The following CKAP5 variants were observed in gnomAD, a reference collection of about 807,000 sequenced individuals.
CKAP5 encodes cytoskeleton-associated protein 5.
In CKAP5, 27 loss-of-function variants were observed where a neutral mutation model predicts 232.8. That is an observed-to-expected ratio of 0.12 (90% CI 0.09 to 0.16). The LOEUF is 0.16. Ranked by LOEUF, CKAP5 falls within the 10% of genes least tolerant of loss-of-function variation. CKAP5 has a pLI of 1.00. For synonymous variants in CKAP5, 785 were observed against 841.1 expected (o/e 0.93, Z 1.16); for missense variants, 1,838 against 2,424.7 (o/e 0.76, Z 5.08).
intron 12 of CKAP5, 120 bp downstream of exon 12, chr11:46,796,691 TA>T (rs968243670): frequency 2.4e-5 from 27 of 1,125,860 alleles, no homozygotes; most frequent in African/African-American, 4.8e-5. Context: ...AATGGCAATT[TA>T]AAAAAAATCA....
chr11:46,845,256 G>C (rs1275054278), intron 1 of CKAP5, among the ~76,000 whole-genome samples: 1 of 152,162 alleles, frequency 6.6e-6, no homozygotes, highest in Non-Finnish European at 1.5e-5. Flanking sequence ...CATAAGACAG[G>C]CAGCATTTCT....
intron 36 of CKAP5, 75 bp from the exon 37 acceptor site, chr11:46,753,572 G>A: frequency 9.3e-7 from 1 of 1,074,970 alleles, no homozygotes; most frequent in Non-Finnish European, 1.3e-6. Context: ...GGCATATTCT[G>A]ATAAATATTC....
At chr11:46,803,905 C>T (rs1284212538) in intron 8 of CKAP5, among the ~76,000 whole-genome samples, 1 of 152,098 alleles carries the variant, frequency 6.6e-6, no homozygotes, top group Admixed American at 6.6e-5. Flanking sequence ...GATTTAGATG[C>T]TAGGCTTTAT....
chr11:46,785,538 C>T (rs747774838), intron 16 of CKAP5, among the ~76,000 whole-genome samples: 10 of 152,142 alleles, frequency 6.6e-5, no homozygotes, highest in Non-Finnish European at 1.5e-4. Context: ...CCATGTTGGC[C>T]GGGCTGGTCT....
intron 1 of CKAP5, among the ~76,000 whole-genome samples, chr11:46,843,766 TGTAA>T (rs1940115500): frequency 6.7e-6 from 1 of 149,632 alleles, no homozygotes; most frequent in African/African-American, 2.5e-5. Context: ...AACACAAAGA[TGTAA>T]GTGTTGACAG....
intron 8 of CKAP5, among the ~76,000 whole-genome samples, chr11:46,802,487 T>G (rs1939051499): frequency 6.6e-6 from 1 of 151,602 alleles, no homozygotes; most frequent in Non-Finnish European, 1.5e-5. Context: ...GAGGTTGCAG[T>G]GAGTGCAGAT....
At chr11:46,757,883 G>C (rs2065122902) in intron 35 of CKAP5, among the ~76,000 whole-genome samples, 2 of 143,942 alleles carry the variant, frequency 1.4e-5, no homozygotes, top group Admixed American at 7.2e-5. Context: ...ACCACACCTG[G>C]CCTATTTTTT....
chr11:46,763,313 A>G, intron 29 of CKAP5, 134 bp from the exon 30 acceptor site: 2 of 988,630 alleles, frequency 2.0e-6, no homozygotes, highest in Non-Finnish European at 3.0e-6. Context: ...ATTAAGACCT[A>G]AAAAATATAC....
chr11:46,776,300 A>G lies in CKAP5; in HGVS notation c.2946T>C (p.Asp982=). The G allele has an allele frequency of 6.2e-7, 1 of 1,613,986 alleles. No homozygotes were observed. The highest frequency in any genetic ancestry group is 8.5e-7 in the Non-Finnish European group (1 of 1,179,900). ...TGMKEWLEGE[D]LSEELKKENP... is the part of the protein sequence containing the mutation. ...TTTCCTTTTTGAGCTCTTCAGAAAG[A>G]TCTTCTCCTTCCAGCCATTCCTTCA... is the stretch of plus-strand genomic sequence containing the variant. Residue 982 remains aspartate, a synonymous_variant, in exon 24 of 44, where the codon GAT becomes GAC. Coordinates refer to ENST00000529230, the MANE Select transcript of CKAP5 (RefSeq NM_001008938.4).
chr11:46,814,273 T>C (rs1176906130), intron 4 of CKAP5, among the ~76,000 whole-genome samples: 1 of 151,858 alleles, frequency 6.6e-6, no homozygotes, highest in Non-Finnish European at 1.5e-5. Flanking sequence ...AGAATGAGCA[T>C]ACTGTTTACT....
Position 46,750,428 on chromosome 11 carries a change from T to G in CKAP5, c.5550A>C (p.Leu1850=). 1 of 1,614,076 alleles carries G rather than the reference T, an allele frequency of 6.2e-7. No homozygotes were observed. Among genetic ancestry groups the G allele is most frequent in the Non-Finnish European group, 8.5e-7 (1 of 1,179,946 alleles). ...IGSKENTKEG[L]AELYEYKKKY... is the part of the protein sequence containing the mutation. ...TCTTCTTATATTCATATAACTCTGC[T>G]AGTCCCTGGTGAACAGGAAAAGGGA... is the stretch of plus-strand genomic sequence containing the variant. The change falls in exon 42 of 44, where the codon CTA becomes CTC. Residue 1850 remains leucine (L), a synonymous_variant. Coordinates refer to ENST00000529230, the MANE Select transcript of CKAP5 (RefSeq NM_001008938.4).
At chr11:46,842,018 A>C (rs1197057110) in intron 1 of CKAP5, among the ~76,000 whole-genome samples, 1 of 140,124 alleles carries the variant, frequency 7.1e-6, no homozygotes, top group Non-Finnish European at 1.6e-5. Context: ...AAAAAAAAAA[A>C]GCGAAATGTT....
chr11:46,844,040 G>C (rs1237461400), intron 1 of CKAP5, among the ~76,000 whole-genome samples: 1 of 152,022 alleles, frequency 6.6e-6, no homozygotes, highest in East Asian at 1.9e-4. Context: ...GGCCAACATA[G>C]TGAAACCCTG....
At chr11:46,829,025 T>C (rs1189671578) in intron 1 of CKAP5, among the ~76,000 whole-genome samples, 1 of 152,250 alleles carries the variant, frequency 6.6e-6, no homozygotes, top group Non-Finnish European at 1.5e-5. Flanking sequence ...CTATTGTTTT[T>C]TACCATACAC....
intron 25 of CKAP5, 104 bp from the exon 26 acceptor site, chr11:46,770,202 T>C (rs1755942395): frequency 8.2e-7 from 1 of 1,215,252 alleles, no homozygotes; most frequent in Admixed American, 1.8e-5. Context: ...GAGCTCCTAG[T>C]TTTGAAATAC....
chr11:46,811,500 G>C (rs1939273924), intron 4 of CKAP5, among the ~76,000 whole-genome samples: 1 of 151,848 alleles, frequency 6.6e-6, no homozygotes, highest in Non-Finnish European at 1.5e-5. Flanking sequence ...TTTTCAGATG[G>C]CATTTTGCTC....
intron 8 of CKAP5, among the ~76,000 whole-genome samples, chr11:46,805,568 C>A (rs1359168264): frequency 1.3e-5 from 2 of 152,160 alleles, no homozygotes; most frequent in Non-Finnish European, 2.9e-5. Context: ...ACCATTTCCC[C>A]ACTTTTGTTA....
In CKAP5 at chr11:46,841,459, G is replaced by A. The variant is rs142944489; in HGVS notation, c.-38+4761C>T. 1.6e-4 allele frequency among the ~76,000 whole-genome samples: 24 copies of A among 152,218 alleles called. No homozygotes were observed. The South Asian group carries it at 2.7e-3, about 17-fold the overall frequency. On this transcript the variant is annotated intron_variant, in intron 1 of 43. Transcript: ENST00000529230. Reference sequence around the variant, plus strand: ...CTTATTCTATATTCTCAGAATTGGCGTCAGAATTGGGATTTGCTAGAATGA... The same window carrying A: ...CTTATTCTATATTCTCAGAATTGGCATCAGAATTGGGATTTGCTAGAATGA...
chr11:46,811,214 G>A (rs372639823), intron 4 of CKAP5, 36 bp from the exon 5 acceptor site: 63 of 1,525,708 alleles, frequency 4.1e-5, no homozygotes, highest in Non-Finnish European at 5.7e-5. Context: ...CTGTCAACGT[G>A]CAATGCAATT....
Sources: gnomAD v4.1 joint callset for allele counts (sites outside exome capture counted in the v4.1 genomes callset) on GRCh38, gnomAD v4.1.1 for gene constraint, MANE v1.5 for transcripts, NCBI Gene and HGNC (gene_info 2026-07-23, HGNC 2026-07-21) for gene names.